Variants in PRKCZ observed in about 807,000 individuals in gnomAD.
PRKCZ encodes the protein protein kinase C zeta type.
PRKCZ carries 33 observed loss-of-function variants against 79.5 expected under a neutral mutation model. The observed-to-expected ratio is 0.41, with a 90% CI of 0.31 to 0.55. PRKCZ has a LOEUF of 0.55. PRKCZ is among the 20% of genes least tolerant of loss of function. PRKCZ has a pLI of 0.19. For missense variants in PRKCZ, 578 were observed against 813.5 expected, an observed-to-expected ratio of 0.71 and a Z score of 3.52; for synonymous variants, 342 against 320.9, an observed-to-expected ratio of 1.07 and a Z score of -0.70.
intron 5 of PRKCZ, among the ~76,000 whole-genome samples, chr1:2,140,158 A>G (rs79605661): frequency 0.013 from 1,979 of 152,316 alleles, 48 homozygotes; most frequent in African/African-American, 0.044. Context: ...GCAGAGGCCA[A>G]TGCAATTCCT....
intron 6 of PRKCZ, chr1:2,144,741 AT>A (rs889886445): frequency 1.4e-6 from 1 of 713,286 alleles, no homozygotes; most frequent in African/African-American, 1.9e-5. Context: ...TCTCCCTGGC[AT>A]CCCCCCTGGG....
At chr1:2,073,832 A>C in intron 4 of PRKCZ, 1 of 1,042,362 alleles carries the variant, frequency 9.6e-7, no homozygotes, top group Non-Finnish European at 1.2e-6. Flanking sequence ...GAGCCGACGC[A>C]GCATCAGCTC....
At chr1:2,052,827 G>A (rs1332239886) in intron 1 of PRKCZ, among the ~76,000 whole-genome samples, 4 of 152,186 alleles carry the variant, frequency 2.6e-5, no homozygotes, top group Non-Finnish European at 5.9e-5. Flanking sequence ...GTAGCTGAGC[G>A]TGGACACGTG....
chr1:2,181,791 A>G (rs1686665079), intron 16 of PRKCZ: 1 of 454,872 alleles, frequency 2.2e-6, no homozygotes, highest in African/African-American at 2.0e-5. Flanking sequence ...AGGTAGGGAA[A>G]GTACTTTAGG....
At chr1:2,115,584 T>C (rs1437194224) in intron 4 of PRKCZ, among the ~76,000 whole-genome samples, 1 of 152,186 alleles carries the variant, frequency 6.6e-6, no homozygotes, top group Non-Finnish European at 1.5e-5. Flanking sequence ...CCCACAAGCC[T>C]GCCCCTACTT....
At chr1:2,064,916 T>C (rs560636534) in intron 4 of PRKCZ, among the ~76,000 whole-genome samples, 15 of 152,372 alleles carry the variant, frequency 9.8e-5, no homozygotes, top group African/African-American at 3.1e-4. Context: ...AGGGATTGCA[T>C]TGGCTCTGTA....
intron 5 of PRKCZ, among the ~76,000 whole-genome samples, chr1:2,138,584 G>A (rs550369141): frequency 1.3e-5 from 2 of 152,276 alleles, no homozygotes; most frequent in South Asian, 4.1e-4. Context: ...GGTGAGGTGG[G>A]TAGGAATCCA....
rs928262978 is a variant in PRKCZ at position 2,178,148 on chromosome 1, G to A, written c.1575+2835G>A. 1.3e-5 allele frequency among the ~76,000 whole-genome samples: 2 copies of A among 152,168 alleles called. No homozygotes were observed. The highest frequency in any genetic ancestry group is 2.9e-5 in the Non-Finnish European group (2 of 68,024). ...CTGAGCAATCCCAGAGTTACATGAC[G>A]TCATCGCGATCACTTTCATCACCCT... On this transcript the variant is annotated intron_variant, in intron 16 of 17. Transcript: ENST00000378567. The surrounding 1 kb of genome is among the most constrained non-coding windows in gnomAD (Gnocchi z 4.3).
At position 2,177,910 on chromosome 1, in the gene PRKCZ, G is replaced by A. The variant is rs569805471; in HGVS notation, c.1575+2597G>A. Among the ~76,000 whole-genome samples the A allele has an allele frequency of 2.7e-5, 4 of 150,484 alleles. No homozygotes were observed. The highest frequency in any genetic ancestry group is 2.1e-4 in the South Asian group (1 of 4,810). On this transcript the variant is annotated intron_variant, in intron 16 of 17. Transcript: ENST00000378567. This position sits in a 1 kb window ranked among gnomAD's most constrained non-coding sequence, Gnocchi z 6.4. The stretch of plus-strand genomic sequence containing the variant: ...AGCCCTGCCTCTGCCACCGACCGCC[G>A]GCCCTGCCTCTGCCACCGACCGCCG...
At chr1:2,063,182 G>T (rs1425274541) in intron 4 of PRKCZ, among the ~76,000 whole-genome samples, 2 of 152,310 alleles carry the variant, frequency 1.3e-5, no homozygotes, top group Non-Finnish European at 2.9e-5. Flanking sequence ...GGACACACGG[G>T]TGACTTCCAC....
At chr1:2,151,055 T>A in intron 9 of PRKCZ, 77 bp downstream of exon 9, 1 of 1,510,870 alleles carries the variant, frequency 6.6e-7, no homozygotes, top group Non-Finnish European at 9.0e-7. Context: ...TTAGCGGAAT[T>A]AATCCATGCA....
chr1:2,067,563 C>T (rs976913871), intron 4 of PRKCZ, among the ~76,000 whole-genome samples: 22 of 152,086 alleles, frequency 1.4e-4, no homozygotes, highest in African/African-American at 4.3e-4. Context: ...AGTAATCGGG[C>T]GGTGGAGCTG....
intron 9 of PRKCZ, among the ~76,000 whole-genome samples, chr1:2,152,218 C>G (rs12082372): frequency 0.018 from 2,693 of 152,232 alleles, 86 homozygotes; most frequent in African/African-American, 0.061. Flanking sequence ...ATACACATGA[C>G]ATAGAATTTG....
chr1:2,139,513 C>T (rs895293925), intron 5 of PRKCZ, among the ~76,000 whole-genome samples: 3 of 152,042 alleles, frequency 2.0e-5, no homozygotes, highest in South Asian at 2.1e-4. Flanking sequence ...TGCTTGAACC[C>T]GGGAGGCAGA....
At chr1:2,056,202 T>C (rs1571083050) in intron 2 of PRKCZ, among the ~76,000 whole-genome samples, 1 of 151,938 alleles carries the variant, frequency 6.6e-6, no homozygotes, top group East Asian at 1.9e-4. Context: ...CTCCGGAGAG[T>C]GTCCTCAGCC....
intron 4 of PRKCZ, among the ~76,000 whole-genome samples, chr1:2,090,690 C>T (rs1557534939): frequency 6.6e-6 from 1 of 152,196 alleles, no homozygotes; most frequent in Non-Finnish European, 1.5e-5. Context: ...TGTGGTTTTG[C>T]TCATGGCACC....
intron 10 of PRKCZ, 93 bp downstream of exon 10, chr1:2,156,185 G>A: frequency 8.2e-7 from 1 of 1,222,612 alleles, no homozygotes; most frequent in South Asian, 1.2e-5. Flanking sequence ...ACTGTCACCT[G>A]TAAGGTTCTC....
intron 4 of PRKCZ, among the ~76,000 whole-genome samples, chr1:2,070,711 C>T (rs1366777082): frequency 6.6e-6 from 1 of 151,410 alleles, no homozygotes; most frequent in Non-Finnish European, 1.5e-5. Flanking sequence ...AGGGGCCCTT[C>T]CTGACCCCAC....
intron 7 of PRKCZ, among the ~76,000 whole-genome samples, chr1:2,148,241 C>CTATCTG (rs1373176233): frequency 2.0e-5 from 3 of 150,736 alleles, no homozygotes; most frequent in African/African-American, 7.3e-5. Flanking sequence ...GTCTATCCAT[C>CTATCTG]TATCTGTTGT....
Sources: allele counts gnomAD v4.1 joint callset (sites outside exome capture counted in the v4.1 genomes callset), GRCh38; gene constraint gnomAD v4.1.1; non-coding constraint Gnocchi (gnomAD v3.1); transcripts MANE v1.5; gene names NCBI Gene and HGNC (gene_info 2026-07-23, HGNC 2026-07-21).